The following COL24A1 variants were observed in gnomAD, a reference collection of about 807,000 sequenced individuals.
COL24A1 encodes the protein collagen alpha-1(XXIV) chain.
Under a neutral mutation model 253.9 loss-of-function variants are expected in COL24A1, and 224 were observed. That is an observed-to-expected ratio of 0.88 (90% CI 0.79 to 0.99). The LOEUF is 0.99. Among genes scored for constraint, COL24A1 ranks in the 50% least tolerant of loss-of-function variants. The pLI is 0.00. For missense variants in COL24A1, 2,131 were observed against 2,068.5 expected (o/e 1.03, Z -0.59); for synonymous variants, 685 against 673.7 (o/e 1.02, Z -0.26).
intron 24 of COL24A1, among the ~76,000 whole-genome samples, chr1:85,939,423 A>C (rs942837054): frequency 2.0e-5 from 3 of 152,148 alleles, no homozygotes; most frequent in African/African-American, 7.2e-5. Flanking sequence ...TCCTATAAGG[A>C]AGAAAATTGT....
chr1:85,993,102 A>G (rs1255629438), intron 19 of COL24A1, among the ~76,000 whole-genome samples: 1 of 152,088 alleles, frequency 6.6e-6, no homozygotes, highest in Non-Finnish European at 1.5e-5. Context: ...AAACCTGGGA[A>G]CCGAAGCACT....
At chr1:85,788,798 C>A (rs1465112646) in intron 47 of COL24A1, among the ~76,000 whole-genome samples, 1 of 152,192 alleles carries the variant, frequency 6.6e-6, no homozygotes, top group African/African-American at 2.4e-5. Context: ...GTTCCCCCAG[C>A]ACCATTTATT....
intron 1 of COL24A1, among the ~76,000 whole-genome samples, chr1:86,148,596 AGT>A (rs905562671): frequency 4.0e-5 from 6 of 149,784 alleles, no homozygotes; most frequent in Non-Finnish European, 8.9e-5. Context: ...GAGAATATGC[AGT>A]GTTTGGTTTT....
rs776225551 is a variant in COL24A1 at position 86,089,182 on chromosome 1, C to T, written c.1699G>A (p.Gly567Ser). The T allele has an allele frequency of 9.5e-6, 15 of 1,580,148 alleles. No individual in the cohort carries two copies. The highest frequency in any genetic ancestry group is 1.3e-5 in the Non-Finnish European group (15 of 1,171,036). Reference sequence around the variant, plus strand: ...GTAAAATTCCAACTTACCTTATCACCTTGCATACCAGGGGGGCCCATTAAT... The same window carrying T: ...GTAAAATTCCAACTTACCTTATCACTTTGCATACCAGGGGGGCCCATTAAT... The part of the protein sequence containing the change: ...SGLMGPPGMQ[G>S]DKGLKGHPGL... Residue 567 changes from glycine to serine, a missense_variant, in exon 7 of 60, where the codon GGT becomes AGT. By Grantham distance (56) the Gly-to-Ser change is moderately conservative. Transcript: ENST00000370571.
intron 24 of COL24A1, among the ~76,000 whole-genome samples, chr1:85,927,104 C>CA (rs1687350929): frequency 6.6e-6 from 1 of 152,114 alleles, no homozygotes. Context: ...GGAACAGCTC[C>CA]GGTCTACAGC....
At chr1:86,093,214 C>T (rs113087252) in intron 5 of COL24A1, among the ~76,000 whole-genome samples, 23 of 151,958 alleles carry the variant, frequency 1.5e-4, no homozygotes, top group African/African-American at 4.6e-4. Flanking sequence ...AAAAGTCCTG[C>T]GTGTCCCCCA....
At chr1:85,903,810 C>G (rs1338608131) in intron 28 of COL24A1, among the ~76,000 whole-genome samples, 1 of 152,106 alleles carries the variant, frequency 6.6e-6, no homozygotes, top group Non-Finnish European at 1.5e-5. Flanking sequence ...CTAATTAGGC[C>G]TAGCAGTCTT....
At chr1:85,860,327 C>T (rs756480080) in intron 37 of COL24A1, among the ~76,000 whole-genome samples, 1 of 152,142 alleles carries the variant, frequency 6.6e-6, no homozygotes, top group Non-Finnish European at 1.5e-5. Flanking sequence ...TCACTTCCCC[C>T]CAAAATCTCA....
chr1:85,866,077 A>G (rs1558448714), intron 37 of COL24A1, among the ~76,000 whole-genome samples: 1 of 152,156 alleles, frequency 6.6e-6, no homozygotes, highest in Non-Finnish European at 1.5e-5. Context: ...AGCCTGGCCA[A>G]CATGGTGAAA....
intron 47 of COL24A1, among the ~76,000 whole-genome samples, chr1:85,802,356 C>T (rs1364643997): frequency 6.6e-6 from 1 of 152,134 alleles, no homozygotes; most frequent in Non-Finnish European, 1.5e-5. Context: ...TTTAGCCGTA[C>T]TGGTCTTTTT....
intron 9 of COL24A1, among the ~76,000 whole-genome samples, chr1:86,058,587 G>A (rs1159126067): frequency 6.6e-6 from 1 of 151,362 alleles, no homozygotes; most frequent in Non-Finnish European, 1.5e-5. Flanking sequence ...ATGAAAGAAA[G>A]CTTGTTCTAT....
intron 7 of COL24A1, among the ~76,000 whole-genome samples, chr1:86,067,095 C>T (rs538712834): frequency 2.6e-5 from 4 of 151,346 alleles, no homozygotes; most frequent in East Asian, 2.0e-4. Context: ...GCCGAGATTG[C>T]GCCACTGCAC....
intron 28 of COL24A1, among the ~76,000 whole-genome samples, chr1:85,906,529 A>G (rs1029227595): frequency 6.6e-6 from 1 of 151,594 alleles, no homozygotes; most frequent in Non-Finnish European, 1.5e-5. Flanking sequence ...TTAAACTTTG[A>G]GAGCCCTGGT....
At chr1:85,741,277 C>T (rs1664611172) in intron 57 of COL24A1, among the ~76,000 whole-genome samples, 1 of 152,108 alleles carries the variant, frequency 6.6e-6, no homozygotes, top group Non-Finnish European at 1.5e-5. Context: ...GTTGTGTCAA[C>T]TTGTGTGTTT....
intron 53 of COL24A1, among the ~76,000 whole-genome samples, chr1:85,771,370 T>C (rs184116578): frequency 1.4e-3 from 214 of 152,180 alleles, no homozygotes; most frequent in African/African-American, 4.9e-3. Flanking sequence ...TCTGATCTTG[T>C]GATAGTTTGC....
chr1:85,885,377 G>GTA lies in COL24A1; in HGVS notation c.2976+4181_2976+4182dup, dbSNP rs1553213698. 5.0e-3 allele frequency among the ~76,000 whole-genome samples: 673 copies of GTA among 135,950 alleles called. 6 individuals are homozygous for GTA. Among genetic ancestry groups the GTA allele is most frequent in the African/African-American group, 0.016 (588 of 36,794 alleles). The allele number at this position is 135,950 out of a possible 152,430, so 89.2% of individuals were successfully genotyped here. ...CACCATGGCTGGCTAATTTTTGTGT[G>GTA]TATATATATATATATATATATTTTT... On this transcript the variant is annotated intron_variant, in intron 32 of 59. Coordinates refer to ENST00000370571, the MANE Select transcript of COL24A1 (RefSeq NM_152890.7).
chr1:85,898,706 T>C (rs1684003605), intron 28 of COL24A1, among the ~76,000 whole-genome samples: 1 of 152,128 alleles, frequency 6.6e-6, no homozygotes, highest in Non-Finnish European at 1.5e-5. Context: ...CCAGAGGACA[T>C]GGTAGAGAGA....
intron 47 of COL24A1, among the ~76,000 whole-genome samples, chr1:85,803,926 T>C (rs2101813619): frequency 6.6e-6 from 1 of 152,292 alleles, no homozygotes; most frequent in East Asian, 1.9e-4. Flanking sequence ...GAATATGTCA[T>C]ATAAATATGA....
At chr1:85,859,670 T>C (rs925799099) in intron 37 of COL24A1, among the ~76,000 whole-genome samples, 2 of 152,168 alleles carry the variant, frequency 1.3e-5, no homozygotes, top group African/African-American at 4.8e-5. Flanking sequence ...TTTCCTGAAA[T>C]GTGTAAGTAA....
Sources: allele counts gnomAD v4.1 joint callset (sites outside exome capture counted in the v4.1 genomes callset), GRCh38; gene constraint gnomAD v4.1.1; transcripts MANE v1.5; gene names NCBI Gene and HGNC (gene_info 2026-07-23, HGNC 2026-07-21).